Variants in SMYD3 observed in about 807,000 individuals in gnomAD.
SMYD3 encodes histone-lysine N-methyltransferase SMYD3.
In SMYD3, 36 loss-of-function variants were observed where a neutral mutation model predicts 57.7. The observed-to-expected ratio is 0.62, with a 90% confidence interval of 0.48 to 0.82. SMYD3 has a LOEUF of 0.82. Among genes scored for constraint, SMYD3 ranks in the 40% least tolerant of loss-of-function variants. SMYD3 has a pLI of 0.00. For synonymous variants in SMYD3, 211 were observed against 195.0 expected, an observed-to-expected ratio of 1.08 and a Z score of -0.68; for missense variants, 515 against 538.8, an observed-to-expected ratio of 0.96 and a Z score of 0.44.
intron 10 of SMYD3, chr1:245,814,501 T>C: frequency 1.5e-6 from 1 of 678,296 alleles, no homozygotes; most frequent in African/African-American, 1.9e-5. Flanking sequence ...TTACACCACA[T>C]ACTTGTTTTA....
chr1:246,244,015 A>G (rs1247787395), intron 5 of SMYD3, among the ~76,000 whole-genome samples: 1 of 112,756 alleles, frequency 8.9e-6, no homozygotes, highest in Admixed American at 1.0e-4. Flanking sequence ...ATATATGTAC[A>G]TATATGTGTA....
At chr1:246,490,482 C>T (rs1489963649) in intron 1 of SMYD3, among the ~76,000 whole-genome samples, 1 of 152,082 alleles carries the variant, frequency 6.6e-6, no homozygotes, top group East Asian at 1.9e-4. Flanking sequence ...ACAAGGTCTC[C>T]GTCCTCAAGA....
intron 1 of SMYD3, among the ~76,000 whole-genome samples, chr1:246,391,394 AAGAGAGAGAGAGAAAG>A (rs754422374): frequency 1.1e-5 from 1 of 90,236 alleles, no homozygotes; most frequent in Non-Finnish European, 2.3e-5. Flanking sequence ...GAGAGAGAGA[AAGAGAGAGAGAGAAAG>A]AGAGAGAAAA....
At chr1:246,250,596 C>T (rs1288936222) in intron 5 of SMYD3, among the ~76,000 whole-genome samples, 1 of 152,072 alleles carries the variant, frequency 6.6e-6, no homozygotes, top group African/African-American at 2.4e-5. Flanking sequence ...AGCAGAGTAT[C>T]GTGTGTCTAT....
intron 5 of SMYD3, among the ~76,000 whole-genome samples, chr1:246,272,375 GC>G: frequency 6.6e-6 from 1 of 152,314 alleles, no homozygotes; most frequent in South Asian, 2.1e-4. Flanking sequence ...TAAAGGAAAA[GC>G]TTTTGGTCTT....
chr1:246,297,717 G>C lies in SMYD3; in HGVS notation c.531+29484C>G, dbSNP rs927379080. 2.0e-5 allele frequency among the ~76,000 whole-genome samples: 3 copies of C among 152,060 alleles called. 1 individual carries two copies. Among genetic ancestry groups the C allele is most frequent in the South Asian group, 4.1e-4 (2 of 4,826 alleles). On this transcript the variant is annotated intron_variant, in intron 5 of 11. Transcript: ENST00000490107. ...CAATTATTCTGATGTATAAATACCA[G>C]AGATTCACTGTATTGACCAGAGAAT...
At chr1:245,818,028 A>G (rs2048948949) in intron 10 of SMYD3, among the ~76,000 whole-genome samples, 1 of 152,116 alleles carries the variant, frequency 6.6e-6, no homozygotes, top group Non-Finnish European at 1.5e-5. Flanking sequence ...CAACATTCAG[A>G]TTCAGGAAAT....
chr1:245,961,795 T>A (rs191376461), intron 5 of SMYD3, among the ~76,000 whole-genome samples: 357 of 152,250 alleles, frequency 2.3e-3, no homozygotes, highest in Non-Finnish European at 4.0e-3. Flanking sequence ...AACATGTATT[T>A]TGAGACTGAG....
intron 5 of SMYD3, among the ~76,000 whole-genome samples, chr1:246,314,139 T>C (rs2065121495): frequency 6.6e-6 from 1 of 152,312 alleles, no homozygotes; most frequent in Middle Eastern, 3.4e-3. Context: ...GACAGAGGTA[T>C]GTAAGGCATG....
chr1:246,488,899 G>A (rs2068227941), intron 1 of SMYD3, among the ~76,000 whole-genome samples: 1 of 152,138 alleles, frequency 6.6e-6, no homozygotes, highest in Non-Finnish European at 1.5e-5. Flanking sequence ...GCGTCACCCA[G>A]GGAGCTTGGC....
chr1:245,844,979 T>C (rs2050591650), intron 10 of SMYD3, among the ~76,000 whole-genome samples: 1 of 152,180 alleles, frequency 6.6e-6, no homozygotes, highest in African/African-American at 2.4e-5. Flanking sequence ...CTCCAGCCTA[T>C]TATTGAATTT....
At chr1:245,796,104 T>C (rs1487094430) in intron 10 of SMYD3, among the ~76,000 whole-genome samples, 2 of 152,108 alleles carry the variant, frequency 1.3e-5, no homozygotes, top group African/African-American at 4.8e-5. Context: ...CCTACAAATA[T>C]AAAGGTCAAG....
At chr1:245,986,482 C>T (rs376002412) in intron 5 of SMYD3, among the ~76,000 whole-genome samples, 213 of 152,342 alleles carry the variant, frequency 1.4e-3, no homozygotes, top group African/African-American at 5.0e-3. Context: ...AGATTACTCA[C>T]ACAGCCCCCT....
Position 245,979,802 on chromosome 1 carries a change from G to C in SMYD3, c.532-49865C>G, listed in dbSNP as rs565088061. Among the ~76,000 whole-genome samples the C allele has an allele frequency of 1.3e-3, 204 of 152,334 alleles. 1 individual carries two copies. Among genetic ancestry groups the C allele is most frequent in the Non-Finnish European group, 2.2e-3 (150 of 68,032 alleles). On this transcript the variant is annotated intron_variant, in intron 5 of 11. Coordinates refer to ENST00000490107, the MANE Select transcript of SMYD3 (RefSeq NM_001167740.2). Reference sequence around the variant, plus strand: ...TGACCAAACCCAGCCCCGGCAGCTAGATGGTCTCTAATTCCAATGCTCACT... The same window carrying C: ...TGACCAAACCCAGCCCCGGCAGCTACATGGTCTCTAATTCCAATGCTCACT...
chr1:245,769,298 C>T (rs908037355), intron 10 of SMYD3, among the ~76,000 whole-genome samples: 27 of 152,174 alleles, frequency 1.8e-4, no homozygotes, highest in Non-Finnish European at 2.6e-4. Context: ...TGCCATCCGA[C>T]GCAGAAGGAA....
intron 5 of SMYD3, among the ~76,000 whole-genome samples, chr1:246,045,644 A>T (rs1488557021): frequency 6.6e-6 from 1 of 152,190 alleles, no homozygotes; most frequent in Non-Finnish European, 1.5e-5. Context: ...ATCTAATTAA[A>T]CTAAAGAGCT....
intron 1 of SMYD3, among the ~76,000 whole-genome samples, chr1:246,385,522 C>G (rs2066461887): frequency 6.6e-6 from 1 of 151,966 alleles, no homozygotes; most frequent in African/African-American, 2.4e-5. Context: ...AGTCATATTC[C>G]TAGGAGAGAA....
chr1:246,115,163 C>G (rs1210558121), intron 5 of SMYD3, among the ~76,000 whole-genome samples: 2 of 152,214 alleles, frequency 1.3e-5, no homozygotes, highest in Non-Finnish European at 2.9e-5. Flanking sequence ...TGCAGAAGGT[C>G]AGCCTTAAAT....
At chr1:246,074,810 C>T (rs577600675) in intron 5 of SMYD3, among the ~76,000 whole-genome samples, 22 of 152,084 alleles carry the variant, frequency 1.4e-4, no homozygotes, top group African/African-American at 4.1e-4. Flanking sequence ...CCCAGCAGTC[C>T]GGAAAAGTCT....
Sources: gnomAD v4.1 joint callset for allele counts (sites outside exome capture counted in the v4.1 genomes callset) on GRCh38, gnomAD v4.1.1 for gene constraint, MANE v1.5 for transcripts, NCBI Gene and HGNC (gene_info 2026-07-23, HGNC 2026-07-21) for gene names.